Variants in HECW1 observed in about 807,000 individuals in gnomAD.
The protein encoded by HECW1 is E3 ubiquitin-protein ligase HECW1.
In HECW1, 61 loss-of-function variants were observed where a neutral mutation model predicts 182.3. That is an observed-to-expected ratio of 0.33 (90% CI 0.27 to 0.41). The LOEUF (loss-of-function observed/expected upper bound fraction) is 0.41, where lower values mean the gene tolerates loss of function less well. Among genes scored for constraint, HECW1 ranks in the 10% least tolerant of loss-of-function variants. The probability of loss-of-function intolerance (pLI) is 1.00; values close to 1 mark genes in which losing one functional copy is unlikely to be tolerated. For missense variants in HECW1, 1,739 were observed against 2,108.9 expected (o/e 0.82, Z 3.44); for synonymous variants, 859 against 832.6 (o/e 1.03, Z -0.55).
chr7:43,465,643 C>G (rs1265317679), intron 14 of HECW1, among the ~76,000 whole-genome samples: 1 of 152,192 alleles, frequency 6.6e-6, no homozygotes, highest in Non-Finnish European at 1.5e-5. Flanking sequence ...AGTCCCAATA[C>G]AACTGGGTGT....
chr7:43,488,883 A>G (rs1585066481), intron 17 of HECW1, among the ~76,000 whole-genome samples: 1 of 152,298 alleles, frequency 6.6e-6, no homozygotes, highest in South Asian at 2.1e-4. Flanking sequence ...TCACACTCAT[A>G]TTAGGCATGA....
chr7:43,229,907 T>G (rs1797739542), intron 2 of HECW1, among the ~76,000 whole-genome samples: 1 of 152,196 alleles, frequency 6.6e-6, no homozygotes, highest in African/African-American at 2.4e-5. Context: ...TGGGTCTTTT[T>G]TGCCATACTT....
chr7:43,292,669 G>GTCATCACCTT lies in HECW1; in HGVS notation c.28-19093_28-19092insCATCACCTTT, dbSNP rs1409460159. On this transcript the variant is annotated intron_variant, in intron 3 of 29. Coordinates refer to ENST00000395891, the MANE Select transcript of HECW1 (RefSeq NM_015052.5). ...AACAGAGCTAGGAAGGTGACCTTTG[G>GTCATCACCTT]TGACATACCTCTTCCATTCAGCACA... is the stretch of plus-strand genomic sequence containing the variant. 1.3e-3 allele frequency among the ~76,000 whole-genome samples: 199 copies of GTCATCACCTT among 152,262 alleles called. 6 individuals are homozygous for GTCATCACCTT. The South Asian group carries it at 0.04, about 31-fold the overall frequency.
intron 8 of HECW1, among the ~76,000 whole-genome samples, chr7:43,418,714 A>G (rs1005181264): frequency 6.6e-6 from 1 of 150,558 alleles, no homozygotes; most frequent in East Asian, 1.9e-4. Flanking sequence ...ATCTATATTC[A>G]TCATAAGTTA....
At position 43,202,160 on chromosome 7, in the gene HECW1, C is replaced by A. The variant is rs139776994; in HGVS notation, c.-31-41715C>A. Among the ~76,000 whole-genome samples the A allele has an allele frequency of 1.4e-4, 21 of 152,320 alleles. No individual in the cohort carries two copies. In the East Asian group the frequency reaches 3.7e-3, roughly 27 times the overall value. ...GCCAAGGGCTACAGAGGTTGAGTAACTTGCTGAAGGATACCTAGCTAGTCA... is the reference window on the plus strand; with the variant it reads ...GCCAAGGGCTACAGAGGTTGAGTAAATTGCTGAAGGATACCTAGCTAGTCA... On this transcript the variant is annotated intron_variant, in intron 2 of 29. Transcript: ENST00000395891.
intron 3 of HECW1, among the ~76,000 whole-genome samples, chr7:43,295,697 C>T (rs1272367116): frequency 6.6e-6 from 1 of 152,136 alleles, no homozygotes; most frequent in Non-Finnish European, 1.5e-5. Context: ...TTTTCCAGCT[C>T]CTTTAAAGAC....
intron 5 of HECW1, among the ~76,000 whole-genome samples, chr7:43,351,545 T>C (rs1045714117): frequency 6.6e-6 from 1 of 152,070 alleles, no homozygotes; most frequent in African/African-American, 2.4e-5. Flanking sequence ...CTGTGGCTGC[T>C]GTGGGGGATG....
intron 2 of HECW1, among the ~76,000 whole-genome samples, chr7:43,131,530 A>G (rs908977586): frequency 1.3e-5 from 2 of 152,162 alleles, no homozygotes; most frequent in African/African-American, 4.8e-5. Context: ...CAAATCATTG[A>G]CTGCATTTTT....
intron 8 of HECW1, among the ~76,000 whole-genome samples, chr7:43,433,614 C>T (rs976922582): frequency 1.3e-5 from 2 of 152,206 alleles, no homozygotes; most frequent in African/African-American, 4.8e-5. Context: ...GTGGCCCCAG[C>T]GGTGGGCCTT....
At chr7:43,215,011 C>A (rs1029482) in intron 2 of HECW1, among the ~76,000 whole-genome samples, 107,853 of 152,160 alleles carry the variant, frequency 0.71, 38,438 homozygotes, top group East Asian at 0.89. Context: ...GGTAGCCTAC[C>A]CCTTTTGGGT....
intron 2 of HECW1, among the ~76,000 whole-genome samples, chr7:43,171,563 C>A (rs1434436302): frequency 6.6e-6 from 1 of 152,150 alleles, no homozygotes; most frequent in African/African-American, 2.4e-5. Flanking sequence ...TGGGAAACAG[C>A]CTCTTAAAAA....
intron 5 of HECW1, among the ~76,000 whole-genome samples, chr7:43,355,632 A>G (rs1211832627): frequency 6.6e-6 from 1 of 152,152 alleles, no homozygotes. Flanking sequence ...AAAACATACT[A>G]CCAGAGAAAA....
chr7:43,503,537 T>C (rs2079454939), intron 21 of HECW1, among the ~76,000 whole-genome samples: 1 of 152,242 alleles, frequency 6.6e-6, no homozygotes, highest in South Asian at 2.1e-4. Context: ...CTAAAAGGAA[T>C]AAACTTTCCT....
intron 2 of HECW1, among the ~76,000 whole-genome samples, chr7:43,190,113 C>T (rs1277280764): frequency 6.6e-6 from 1 of 150,854 alleles, no homozygotes; most frequent in Non-Finnish European, 1.5e-5. Flanking sequence ...TGTTTGTTTG[C>T]TTTGTTTGTT....
intron 4 of HECW1, among the ~76,000 whole-genome samples, chr7:43,319,393 CAAAA>C (rs529109893): frequency 0.26 from 17,697 of 67,748 alleles, 5,375 homozygotes; most frequent in African/African-American, 0.67. Context: ...GACTCCGTCT[CAAAA>C]AAAAAAAAAA....
intron 2 of HECW1, among the ~76,000 whole-genome samples, chr7:43,232,039 A>G (rs1012669125): frequency 6.6e-6 from 1 of 151,350 alleles, no homozygotes; most frequent in Non-Finnish European, 1.5e-5. Flanking sequence ...AAAAAAAAAA[A>G]AAAGGAACCT....
In HECW1 at chr7:43,552,240, G is replaced by C. The variant is rs367572727; in HGVS notation, c.4414G>C (p.Val1472Leu). The change falls in exon 28 of 30, where the codon GTG becomes CTG. Residue 1472 changes from valine to leucine, a missense_variant. Physicochemically the swap from Val to Leu is conservative, Grantham distance 32. Coordinates refer to ENST00000395891, the MANE Select transcript of HECW1 (RefSeq NM_015052.5). ...GFYEVVDSRL[V>L]SVFDARELEL... ...ATTTCAGGTTGTAGACTCGAGGCTG[G>C]TGTCCGTGTTTGATGCCAGGGAGCT... 2 of 1,613,526 alleles carry C rather than the reference G, an allele frequency of 1.2e-6. No homozygotes were observed. Among genetic ancestry groups the C allele is most frequent in the Non-Finnish European group, 1.7e-6 (2 of 1,179,422 alleles).
chr7:43,112,919 C>T lies in HECW1; in HGVS notation c.-285C>T, dbSNP rs1784730077. 2 of 217,068 alleles carry T rather than the reference C, an allele frequency of 9.2e-6. No individual in the cohort carries two copies. The highest frequency in any genetic ancestry group is 1.9e-5 in the Non-Finnish European group (2 of 107,738). 13.4% of individuals were successfully genotyped at this position (217,068 alleles called of 1,614,324 possible). On this transcript the variant is annotated 5_prime_UTR_variant, in exon 1 of 30. Coordinates refer to ENST00000395891, the MANE Select transcript of HECW1 (RefSeq NM_015052.5). ...GCGCTGACAGGAGCATGATCTGTGC[C>T]CAGGCCAGGGCTGCCAAGGTAAGCG...
At chr7:43,470,446 G>T (rs1470676096) in intron 16 of HECW1, among the ~76,000 whole-genome samples, 1 of 152,192 alleles carries the variant, frequency 6.6e-6, no homozygotes, top group Non-Finnish European at 1.5e-5. Flanking sequence ...AAGGATGACA[G>T]GGAGCACAGT....
Sources: allele counts gnomAD v4.1 joint callset (sites outside exome capture counted in the v4.1 genomes callset), GRCh38; gene constraint gnomAD v4.1.1; transcripts MANE v1.5; gene names NCBI Gene and HGNC (gene_info 2026-07-23, HGNC 2026-07-21).